ZDHHC14: variants seen among roughly 807,000 people sequenced by gnomAD.
ZDHHC14 encodes the protein zDHHC palmitoyltransferase 14.
In ZDHHC14, 16 loss-of-function variants were observed where a neutral mutation model predicts 47.7. That is an observed-to-expected ratio of 0.34 (90% CI 0.23 to 0.51). The LOEUF (loss-of-function observed/expected upper bound fraction) is 0.51. Ranked by LOEUF, ZDHHC14 falls within the 20% of genes least tolerant of loss-of-function variation. The pLI, the probability that ZDHHC14 is intolerant of heterozygous loss-of-function variation, is 0.97. For missense variants in ZDHHC14, 515 were observed against 662.5 expected, an observed-to-expected ratio of 0.78 and a Z score of 2.44; for synonymous variants, 293 against 278.9, an observed-to-expected ratio of 1.05 and a Z score of -0.50.
intron 2 of ZDHHC14, among the ~76,000 whole-genome samples, chr6:157,566,087 G>C (rs1305398647): frequency 6.6e-6 from 1 of 152,182 alleles, no homozygotes; most frequent in Admixed American, 6.5e-5. Flanking sequence ...ACTTTTCTTA[G>C]AGATAAATGT....
At chr6:157,417,292 G>T (rs927538661) in intron 1 of ZDHHC14, among the ~76,000 whole-genome samples, 103 of 152,128 alleles carry the variant, frequency 6.8e-4, no homozygotes, top group African/African-American at 2.4e-3. Flanking sequence ...GTTAGATGCT[G>T]TCATCCCTAC....
chr6:157,443,200 C>A (rs1778594528), intron 1 of ZDHHC14, among the ~76,000 whole-genome samples: 1 of 152,160 alleles, frequency 6.6e-6, no homozygotes, highest in South Asian at 2.1e-4. Context: ...CTCTGCACTT[C>A]TCTCTCCTGC....
intron 8 of ZDHHC14, among the ~76,000 whole-genome samples, chr6:157,654,839 G>A (rs111793087): frequency 0.029 from 4,429 of 151,826 alleles, 144 homozygotes; most frequent in African/African-American, 0.079. Context: ...AGGTTCAAGC[G>A]ATTCTCCTGC....
At chr6:157,481,813 T>C (rs1779636883) in intron 1 of ZDHHC14, among the ~76,000 whole-genome samples, 1 of 151,728 alleles carries the variant, frequency 6.6e-6, no homozygotes, top group Non-Finnish European at 1.5e-5. Context: ...TAGAATTGTT[T>C]CTTTCTATCT....
At chr6:157,513,013 C>T (rs1284445042) in intron 1 of ZDHHC14, among the ~76,000 whole-genome samples, 2 of 152,214 alleles carry the variant, frequency 1.3e-5, no homozygotes, top group African/African-American at 4.8e-5. Flanking sequence ...CTGAAAAAGG[C>T]ATGTGTATCA....
intron 1 of ZDHHC14, among the ~76,000 whole-genome samples, chr6:157,479,930 C>A (rs561026778): frequency 1.9e-4 from 29 of 152,276 alleles, no homozygotes; most frequent in Non-Finnish European, 3.5e-4. Flanking sequence ...ACAGCCCTTG[C>A]TGGGTTAGAC....
At chr6:157,602,792 G>C (rs905174890) in intron 3 of ZDHHC14, among the ~76,000 whole-genome samples, 1 of 152,220 alleles carries the variant, frequency 6.6e-6, no homozygotes, top group Non-Finnish European at 1.5e-5. Context: ...GGAGTGCTAC[G>C]TACCCAGGCT....
chr6:157,468,655 T>C (rs1779280090), intron 1 of ZDHHC14, among the ~76,000 whole-genome samples: 2 of 152,230 alleles, frequency 1.3e-5, no homozygotes, highest in South Asian at 4.1e-4. Flanking sequence ...CCCTGCTCTT[T>C]TGTGAAGTCG....
At chr6:157,650,126 G>A (rs1777755637) in intron 7 of ZDHHC14, among the ~76,000 whole-genome samples, 1 of 152,160 alleles carries the variant, frequency 6.6e-6, no homozygotes, top group Admixed American at 6.5e-5. Context: ...CGGGAGAGGG[G>A]CCAGCTTCTG....
At chr6:157,601,767 A>G (rs930950323) in intron 3 of ZDHHC14, among the ~76,000 whole-genome samples, 1 of 151,930 alleles carries the variant, frequency 6.6e-6, no homozygotes, top group Non-Finnish European at 1.5e-5. Context: ...GCCCATGCAC[A>G]TGCTTTCTGT....
intron 3 of ZDHHC14, among the ~76,000 whole-genome samples, chr6:157,615,182 G>C (rs1784917774): frequency 6.6e-6 from 1 of 152,212 alleles, no homozygotes; most frequent in South Asian, 2.1e-4. Flanking sequence ...GAGTGCCTTT[G>C]TTGAGAAAAG....
chr6:157,636,403 A>G (rs1446935484), intron 5 of ZDHHC14, among the ~76,000 whole-genome samples: 1 of 152,034 alleles, frequency 6.6e-6, no homozygotes, highest in Non-Finnish European at 1.5e-5. Flanking sequence ...GTACAGATGT[A>G]GACAGACATG....
At chr6:157,419,103 G>T (rs1175310680) in intron 1 of ZDHHC14, among the ~76,000 whole-genome samples, 1 of 152,162 alleles carries the variant, frequency 6.6e-6, no homozygotes, top group Admixed American at 6.5e-5. Context: ...CTCCTCTAGG[G>T]ACTGTGGGAT....
intron 1 of ZDHHC14, among the ~76,000 whole-genome samples, chr6:157,536,975 C>T (rs6910164): frequency 0.021 from 2,232 of 108,326 alleles, 452 homozygotes; most frequent in African/African-American, 0.075. Flanking sequence ...CCCGCCACTA[C>T]GCCCGGCTAA....
intron 1 of ZDHHC14, among the ~76,000 whole-genome samples, chr6:157,431,719 A>T (rs978091630): frequency 1.3e-5 from 2 of 149,052 alleles, no homozygotes; most frequent in African/African-American, 2.5e-5. Context: ...TTTATTTTTT[A>T]AATTTTAATA....
At chr6:157,606,668 A>G (rs1179787154) in intron 3 of ZDHHC14, among the ~76,000 whole-genome samples, 2 of 152,186 alleles carry the variant, frequency 1.3e-5, no homozygotes, top group East Asian at 1.9e-4. Flanking sequence ...GAGCAGGCTC[A>G]TGGCCCTGGT....
chr6:157,556,871 A>G (rs1052367911), intron 2 of ZDHHC14, among the ~76,000 whole-genome samples: 30 of 152,082 alleles, frequency 2.0e-4, no homozygotes, highest in African/African-American at 6.8e-4. Flanking sequence ...TCTGGTGGAG[A>G]AGCCAGTGAG....
chr6:157,567,365 G>A (rs139590678), intron 2 of ZDHHC14, among the ~76,000 whole-genome samples: 496 of 152,278 alleles, frequency 3.3e-3, no homozygotes, highest in African/African-American at 0.011. Context: ...TGGATGCCAG[G>A]CAATGTCCAC....
At chr6:157,479,192 A>G (rs2114713119) in intron 1 of ZDHHC14, among the ~76,000 whole-genome samples, 1 of 152,180 alleles carries the variant, frequency 6.6e-6, no homozygotes, top group East Asian at 1.9e-4. Flanking sequence ...TTACATACCC[A>G]CTCTGTGCCC....
Sources: allele counts gnomAD v4.1 joint callset (sites outside exome capture counted in the v4.1 genomes callset), GRCh38; gene constraint gnomAD v4.1.1; transcripts MANE v1.5; gene names NCBI Gene and HGNC (gene_info 2026-07-23, HGNC 2026-07-21).